Variants in TRIM5 observed in about 807,000 individuals in gnomAD.
TRIM5 encodes the protein tripartite motif containing 5, also known as tripartite motif-containing protein 5.
TRIM5 carries 31 observed loss-of-function variants against 35.6 expected under a neutral mutation model. The observed-to-expected ratio is 0.87, with a 90% CI of 0.65 to 1.18. The LOEUF is 1.18. Among genes scored for constraint, TRIM5 ranks in the 50% most tolerant of loss-of-function variants. The pLI, the probability that TRIM5 is intolerant of heterozygous loss-of-function variation, is 0.00. For synonymous variants in TRIM5, 243 were observed against 215.6 expected (o/e 1.13, Z -1.11); for missense variants, 609 against 591.6 (o/e 1.03, Z -0.31).
the TRIM5 span, among the ~76,000 whole-genome samples, chr11:5,629,958 G>T: frequency 6.6e-6 from 1 of 152,036 alleles, no homozygotes; most frequent in Non-Finnish European, 1.5e-5. Flanking sequence ...CGCCTGCCTC[G>T]GCCTCCCAAA....
At chr11:5,634,535 AT>A in the TRIM5 span, 54 of 806,136 alleles carry the variant, frequency 6.7e-5, no homozygotes, top group Non-Finnish European at 8.6e-5. Flanking sequence ...ACACACATAT[AT>A]ATATATATAT....
chr11:5,666,778 A>G (rs1324035970), intron 5 of TRIM5, among the ~76,000 whole-genome samples: 1 of 152,244 alleles, frequency 6.6e-6, no homozygotes, highest in African/African-American at 2.4e-5. Flanking sequence ...CAAGAATAGC[A>G]CCTTTTTATG....
intron 4 of TRIM5, among the ~76,000 whole-genome samples, chr11:5,673,127 G>A (rs1475200053): frequency 6.6e-6 from 1 of 152,058 alleles, no homozygotes; most frequent in Non-Finnish European, 1.5e-5. Flanking sequence ...TGAAAAGTCA[G>A]AGACTGTCAG....
intron 4 of TRIM5, among the ~76,000 whole-genome samples, chr11:5,674,459 T>C (rs975794834): frequency 6.6e-6 from 1 of 152,188 alleles, no homozygotes; most frequent in African/African-American, 2.4e-5. Context: ...CTAGGCAGCA[T>C]AGCGTGTGAG....
At chr11:5,631,145 C>T in the TRIM5 span, among the ~76,000 whole-genome samples, 17 of 152,286 alleles carry the variant, frequency 1.1e-4, no homozygotes, top group South Asian at 8.3e-4. Context: ...CCTCCCCCAA[C>T]GAATACACAC....
the TRIM5 span, chr11:5,641,438 G>C: frequency 3.1e-6 from 3 of 956,116 alleles, no homozygotes; most frequent in Non-Finnish European, 4.2e-6. Context: ...TTAAGGATGA[G>C]AGCTTTTACT....
chr11:5,664,092 T>C lies in TRIM5; in HGVS notation c.*717A>G. 7.2e-6 allele frequency: 2 copies of C among 278,338 alleles called. No individual in the cohort carries two copies. Among genetic ancestry groups the C allele is most frequent in the Non-Finnish European group, 1.1e-5 (2 of 183,936 alleles). 17.2% of individuals were successfully genotyped at this position (278,338 alleles called of 1,614,324 possible). A position where few individuals can be genotyped will look rare whatever the true frequency, so the allele number is the denominator to read the frequency against. ...GGTGGGCACCTGTAATCCCAGCTAC[T>C]TGGGAGGCTGAGGCAGGAGAATTGC... On this transcript the variant is annotated 3_prime_UTR_variant, in exon 8 of 8. Coordinates refer to ENST00000380034, the MANE Select transcript of TRIM5 (RefSeq NM_033034.3).
the TRIM5 span, among the ~76,000 whole-genome samples, chr11:5,597,295 A>T: frequency 1.3e-5 from 2 of 152,236 alleles, no homozygotes; most frequent in Non-Finnish European, 2.9e-5. Context: ...TTAAACACGT[A>T]GGAGGCTGCC....
chr11:5,656,011 G>T, the TRIM5 span, among the ~76,000 whole-genome samples: 914 of 152,218 alleles, frequency 6.0e-3, 16 homozygotes, highest in African/African-American at 0.021. Context: ...ACTCAAGATG[G>T]ATTAAAGACT....
At position 5,664,401 on chromosome 11, in the gene TRIM5, G is replaced by T; in HGVS notation, c.*408C>A. The T allele has an allele frequency of 3.0e-6, 3 of 997,442 alleles. No homozygotes were observed. Among genetic ancestry groups the T allele is most frequent in the Non-Finnish European group, 3.6e-6 (3 of 837,004 alleles). The allele number at this position is 997,442 out of a possible 1,614,324, so 61.8% of individuals were successfully genotyped here. ...CAAATAAGGGCATCGAGGGTAAACTGACACAGGGCTAAGGACTCATTCATT... is the reference window on the plus strand; with the variant it reads ...CAAATAAGGGCATCGAGGGTAAACTTACACAGGGCTAAGGACTCATTCATT... On this transcript the variant is annotated 3_prime_UTR_variant, in exon 8 of 8. Coordinates refer to ENST00000380034, the MANE Select transcript of TRIM5 (RefSeq NM_033034.3).
At chr11:5,640,924 TG>T in the TRIM5 span, among the ~76,000 whole-genome samples, 2 of 92,332 alleles carry the variant, frequency 2.2e-5, no homozygotes, top group Admixed American at 2.7e-4. Context: ...TTATCTAATT[TG>T]TTGGCATACA....
In TRIM5 at chr11:5,680,078, A is replaced by G; in HGVS notation, c.100T>C (p.Phe34Leu). ...TTTGCAGTGAGGCATGCTTGGCAGA[A>G]GCTGTGGCCGCAGTCCAGGCTCAGG... is the stretch of plus-strand genomic sequence containing the variant. ...QPLSLDCGHS[F>L]CQACLTANHK... Residue 34 changes from phenylalanine to leucine, a missense_variant, in exon 2 of 8, where the codon TTC becomes CTC. By Grantham distance (22) the Phe-to-Leu change is conservative. Transcript: ENST00000380034. 6.2e-7 allele frequency: 1 copy of G among 1,614,114 alleles called. No homozygotes were observed.
At chr11:5,616,808 C>T in the TRIM5 span, among the ~76,000 whole-genome samples, 20 of 141,000 alleles carry the variant, frequency 1.4e-4, 3 homozygotes, top group Middle Eastern at 7.4e-3. Flanking sequence ...GGCACGATCT[C>T]GGCTCACTGC....
chr11:5,590,634 G>T, the TRIM5 span: 1 of 152,126 alleles, frequency 6.6e-6, no homozygotes. Context: ...ACAGACCACT[G>T]GGCTCTACCA....
At chr11:5,596,511 GTTCTCCCCTTCCCCC>G in the TRIM5 span, 1 of 10,414 alleles carries the variant, frequency 9.6e-5, no homozygotes, top group Admixed American at 8.7e-4. Flanking sequence ...CCCTTCCCCC[GTTCTCCCCTTCCCCC>G]CTTCCCCCTT....
chr11:5,596,858 A>G, the TRIM5 span: 1 of 1,613,614 alleles, frequency 6.2e-7, no homozygotes, highest in Non-Finnish European at 8.5e-7. Context: ...ACCACCTGAT[A>G]TTGCTTACAT....
intron 5 of TRIM5, among the ~76,000 whole-genome samples, chr11:5,666,456 G>T (rs2134026971): frequency 6.6e-6 from 1 of 152,202 alleles, no homozygotes; most frequent in South Asian, 2.1e-4. Flanking sequence ...ACATTTAATG[G>T]GTGGAAACAT....
At chr11:5,642,557 G>C in the TRIM5 span, 57 of 1,594,974 alleles carry the variant, frequency 3.6e-5, no homozygotes, top group Admixed American at 8.7e-5. Flanking sequence ...GTGGTGTCAG[G>C]TAATAAACTG....
chr11:5,659,531 T>C (rs979853558), downstream of TRIM5, among the ~76,000 whole-genome samples: 1 of 152,218 alleles, frequency 6.6e-6, no homozygotes, highest in African/African-American at 2.4e-5. Flanking sequence ...AAATTCTAAG[T>C]ACTCAGGTAA....
Sources: gnomAD v4.1 joint callset for allele counts (sites outside exome capture counted in the v4.1 genomes callset) on GRCh38, gnomAD v4.1.1 for gene constraint, MANE v1.5 for transcripts, NCBI Gene and HGNC (gene_info 2026-07-23, HGNC 2026-07-21) for gene names.